The following CHCHD6 variants were observed in gnomAD, a reference collection of about 807,000 sequenced individuals.
CHCHD6 encodes coiled-coil-helix-coiled-coil-helix domain containing 6.
Under a neutral mutation model 32.3 loss-of-function variants are expected in CHCHD6, and 28 were observed. The ratio of observed to expected loss-of-function variants is 0.87; its 90% CI spans 0.64 to 1.19. The LOEUF (loss-of-function observed/expected upper bound fraction) is 1.19, where lower values mean the gene tolerates loss of function less well. Among genes scored for constraint, CHCHD6 ranks in the 50% most tolerant of loss-of-function variants. The probability of loss-of-function intolerance (pLI) is 0.00; values close to 1 mark genes in which losing one functional copy is unlikely to be tolerated. For missense variants in CHCHD6, 333 were observed against 307.0 expected (o/e 1.08, Z -0.63); for synonymous variants, 122 against 117.5 (o/e 1.04, Z -0.25).
chr3:126,719,969 C>G (rs1489049383), intron 1 of CHCHD6, among the ~76,000 whole-genome samples: 1 of 152,118 alleles, frequency 6.6e-6, no homozygotes, highest in Non-Finnish European at 1.5e-5. Context: ...CAACCTCCAC[C>G]TCCTGGGGTC....
At chr3:126,941,200 C>T (rs1165063923) in intron 6 of CHCHD6, among the ~76,000 whole-genome samples, 1 of 152,164 alleles carries the variant, frequency 6.6e-6, no homozygotes, top group Admixed American at 6.5e-5. Flanking sequence ...CTAGGATTTA[C>T]TTAGGAGTAA....
chr3:126,729,004 A>G (rs1935663972), intron 2 of CHCHD6, among the ~76,000 whole-genome samples: 1 of 152,230 alleles, frequency 6.6e-6, no homozygotes, highest in Non-Finnish European at 1.5e-5. Context: ...AATTAAAATT[A>G]AATTCTTCTC....
At chr3:126,854,155 T>C (rs1941570702) in intron 5 of CHCHD6, among the ~76,000 whole-genome samples, 1 of 152,204 alleles carries the variant, frequency 6.6e-6, no homozygotes, top group South Asian at 2.1e-4. Context: ...AAGTCTCTGC[T>C]TTGCTAAAGG....
At position 126,808,042 on chromosome 3, in the gene CHCHD6, TG is replaced by T. The variant is rs906430170; in HGVS notation, c.412-44602del. Among the ~76,000 whole-genome samples the T allele has an allele frequency of 3.3e-5, 5 of 152,354 alleles. 1 individual carries two copies. Among genetic ancestry groups the T allele is most frequent in the Admixed American group, 3.3e-4 (5 of 15,310 alleles). On this transcript the variant is annotated intron_variant, in intron 4 of 7. Transcript: ENST00000290913. ...CAACATTTATGTCTCACAGTTTTTG[TG>T]GGCATAGCTGATTCACTTGCCTTTG...
Position 126,942,980 on chromosome 3 carries a change from G to GCT in CHCHD6, c.567-14424_567-14423dup, listed in dbSNP as rs1188479872. 3.3e-5 allele frequency among the ~76,000 whole-genome samples: 5 copies of GCT among 152,024 alleles called. No individual in the cohort carries two copies. In the East Asian group the frequency reaches 5.8e-4, roughly 18 times the overall value. On this transcript the variant is annotated intron_variant, in intron 6 of 7. Coordinates refer to ENST00000290913, the MANE Select transcript of CHCHD6 (RefSeq NM_032343.3). ...CTAATATCTGGAGGCTCTTTGTAGG[G>GCT]CTCTCTCTCTCTCCTTTTCCATGTG...
chr3:126,809,549 A>T (rs1162466289), intron 4 of CHCHD6, among the ~76,000 whole-genome samples: 1 of 152,242 alleles, frequency 6.6e-6, no homozygotes, highest in African/African-American at 2.4e-5. Context: ...GTTTTCACTC[A>T]GAATTGTGTA....
intron 4 of CHCHD6, among the ~76,000 whole-genome samples, chr3:126,795,875 T>A (rs1371360392): frequency 6.6e-6 from 1 of 152,172 alleles, no homozygotes; most frequent in Admixed American, 6.5e-5. Context: ...GGGCTCTGTA[T>A]TTATGTTAGA....
At chr3:126,877,467 A>G (rs1403068083) in intron 5 of CHCHD6, among the ~76,000 whole-genome samples, 1 of 151,966 alleles carries the variant, frequency 6.6e-6, no homozygotes, top group East Asian at 1.9e-4. Context: ...AGGCAGGAGA[A>G]TGGCCTGAAC....
intron 4 of CHCHD6, among the ~76,000 whole-genome samples, chr3:126,807,970 A>C (rs571101750): frequency 3.7e-3 from 561 of 152,356 alleles, no homozygotes; most frequent in Non-Finnish European, 6.0e-3. Flanking sequence ...CTTTATTTAC[A>C]AAAACACGTG....
chr3:126,779,939 G>A (rs911317682), intron 4 of CHCHD6, among the ~76,000 whole-genome samples: 1 of 152,170 alleles, frequency 6.6e-6, no homozygotes, highest in Non-Finnish European at 1.5e-5. Context: ...TACTGGTCTT[G>A]TGAGTGCATC....
At chr3:126,910,401 G>A (rs73861723) in intron 5 of CHCHD6, among the ~76,000 whole-genome samples, 6,119 of 152,116 alleles carry the variant, frequency 0.04, 359 homozygotes, top group African/African-American at 0.14. Context: ...CATCCTCCAC[G>A]TCCCCTCCTG....
chr3:126,953,126 C>G, intron 6 of CHCHD6: 3 of 985,516 alleles, frequency 3.0e-6, no homozygotes, highest in Non-Finnish European at 3.6e-6. Flanking sequence ...GGGGTCCTCC[C>G]CCATACCTGA....
At chr3:126,863,620 A>G (rs1367673245) in intron 5 of CHCHD6, among the ~76,000 whole-genome samples, 1 of 121,224 alleles carries the variant, frequency 8.2e-6, no homozygotes, top group Admixed American at 8.1e-5. Context: ...CTCCTCCACC[A>G]TCACCACCTC....
At chr3:126,908,249 C>G (rs967794427) in intron 5 of CHCHD6, among the ~76,000 whole-genome samples, 1 of 152,198 alleles carries the variant, frequency 6.6e-6, no homozygotes. Context: ...GTTCTCACTG[C>G]GTGGGAAAGG....
At chr3:126,724,205 G>A (rs1935434772) in intron 1 of CHCHD6, among the ~76,000 whole-genome samples, 1 of 152,190 alleles carries the variant, frequency 6.6e-6, no homozygotes, top group South Asian at 2.1e-4. Flanking sequence ...AGGAGGTGTA[G>A]TACTTCTCTG....
At chr3:126,767,442 C>G (rs761772359) in intron 4 of CHCHD6, 3 of 689,800 alleles carry the variant, frequency 4.3e-6, no homozygotes, top group Non-Finnish European at 5.4e-6. Context: ...CCCAGCTGCC[C>G]TTTCTCATTC....
chr3:126,787,711 TAAG>T (rs1403277583), intron 4 of CHCHD6, among the ~76,000 whole-genome samples: 1 of 152,222 alleles, frequency 6.6e-6, no homozygotes, highest in Admixed American at 6.5e-5. Flanking sequence ...CTTATCAGCT[TAAG>T]GAGATTTTGG....
At chr3:126,861,370 A>G (rs1941856565) in intron 5 of CHCHD6, among the ~76,000 whole-genome samples, 1 of 151,932 alleles carries the variant, frequency 6.6e-6, no homozygotes, top group Non-Finnish European at 1.5e-5. Context: ...TCCTTACTGA[A>G]CTTCACTTTC....
chr3:126,715,788 A>G (rs541334185), intron 1 of CHCHD6, among the ~76,000 whole-genome samples: 1 of 152,120 alleles, frequency 6.6e-6, no homozygotes, highest in African/African-American at 2.4e-5. Flanking sequence ...TTATTTTTAA[A>G]TGCCAGCTGG....
Sources: allele counts gnomAD v4.1 joint callset (sites outside exome capture counted in the v4.1 genomes callset), GRCh38; gene constraint gnomAD v4.1.1; transcripts MANE v1.5; gene names NCBI Gene and HGNC (gene_info 2026-07-23, HGNC 2026-07-21).